Variants in XAF1 observed in about 807,000 individuals in gnomAD.
XAF1 encodes the protein XIAP associated factor 1, also known as XIAP-associated factor 1.
A neutral mutation model predicts 32.3 loss-of-function variants in XAF1; 32 were observed. The observed-to-expected ratio is 0.99, with a 90% CI of 0.75 to 1.33. The LOEUF (loss-of-function observed/expected upper bound fraction) is 1.33. Ranked by LOEUF, XAF1 falls within the 40% of genes most tolerant of loss-of-function variation. XAF1 has a pLI of 0.00. For missense variants in XAF1, 379 were observed against 366.0 expected (o/e 1.04, Z -0.29); for synonymous variants, 120 against 125.9 (o/e 0.95, Z 0.31).
chr17:6,772,088 A>G (rs1335288070), intron 6 of XAF1, among the ~76,000 whole-genome samples: 6 of 152,194 alleles, frequency 3.9e-5, no homozygotes, highest in Admixed American at 2.0e-4. Context: ...CTATGTATGC[A>G]CATAAGCATA....
intron 5 of XAF1, among the ~76,000 whole-genome samples, chr17:6,762,520 C>T (rs1414427150): frequency 6.6e-6 from 1 of 152,210 alleles, no homozygotes; most frequent in African/African-American, 2.4e-5. Flanking sequence ...ACTTCATGGC[C>T]TGGACATTGC....
intron 1 of XAF1, chr17:6,757,410 G>T (rs1292786919): frequency 2.0e-5 from 3 of 152,250 alleles, no homozygotes; most frequent in Non-Finnish European, 2.9e-5. Context: ...AAGAACCTCG[G>T]AGTCTCTGTG....
rs1487725567 is a variant in XAF1 at position 6,773,694 on chromosome 17, T to A, written c.*525T>A. 1.3e-5 allele frequency: 2 copies of A among 152,146 alleles called. No homozygotes were observed. Among genetic ancestry groups the A allele is most frequent in the African/African-American group, 4.8e-5 (2 of 41,428 alleles). The allele number at this position is 152,146 out of a possible 1,614,324, so 9.4% of individuals were successfully genotyped here. ...AAGCTCCTAGATCTGATAAACAACTTCAGCTAACTTTCAGGAGACAAAATC... is the reference window on the plus strand; with the variant it reads ...AAGCTCCTAGATCTGATAAACAACTACAGCTAACTTTCAGGAGACAAAATC... On this transcript the variant is annotated 3_prime_UTR_variant, in exon 7 of 7. Transcript: ENST00000361842.
rs7219649 is a variant in XAF1 at position 6,765,250 on chromosome 17, A to G, written c.507+3010A>G. Among the ~76,000 whole-genome samples the G allele has an allele frequency of 7.1e-3, 1,077 of 152,188 alleles. 15 individuals are homozygous for G. Among genetic ancestry groups the G allele is most frequent in the African/African-American group, 0.025 (1,037 of 41,506 alleles). Reference sequence around the variant, plus strand: ...AACACAGTGAACTCTCGTCTCTACTAAAAATACAAAAACTTAGCCGGGTGT... The same window carrying G: ...AACACAGTGAACTCTCGTCTCTACTGAAAATACAAAAACTTAGCCGGGTGT... On this transcript the variant is annotated intron_variant, in intron 5 of 6. Transcript: ENST00000361842.
At chr17:6,762,121 A>C in intron 4 of XAF1, 34 bp from the exon 5 acceptor site, 1 of 1,611,786 alleles carries the variant, frequency 6.2e-7, no homozygotes, top group African/African-American at 1.3e-5. Context: ...TGACAAGGAC[A>C]ATCATTTGTG....
chr17:6,757,556 G>A (rs941673987), intron 1 of XAF1: 7 of 110,380 alleles, frequency 6.3e-5, no homozygotes, highest in Admixed American at 3.5e-4. Flanking sequence ...CCAAACAGGG[G>A]CACCAGAAAA....
Position 6,760,404 on chromosome 17 carries a change from A to C in XAF1, c.226-2A>C. The C allele has an allele frequency of 6.2e-7, 1 of 1,602,602 alleles. No individual in the cohort carries two copies. The highest frequency in any genetic ancestry group is 8.5e-7 in the Non-Finnish European group (1 of 1,174,398). ...TCATGCCCTTCCTGCTGCCTCCCAC[A>C]GGCCAATGAGTGCCAGGAGCGCCCT... On this transcript the variant is annotated splice_acceptor_variant, in intron 3 of 6. Coordinates refer to ENST00000361842, the MANE Select transcript of XAF1 (RefSeq NM_017523.5). LOFTEE classifies it high-confidence loss of function.
At chr17:6,756,545 G>T (rs9893884) in intron 1 of XAF1, among the ~76,000 whole-genome samples, 1 of 150,574 alleles carries the variant, frequency 6.6e-6, no homozygotes, top group East Asian at 2.0e-4. Flanking sequence ...GGGCAGGGGG[G>T]ACAGAGCAGG....
Position 6,759,727 on chromosome 17 carries a change from C to T in XAF1, c.225+9C>T. ...CGCTGGAGTTTCATAAGGTAAGAGC[C>T]CCATGTGATTTCTCCTTTACAGCCA... On this transcript the variant is annotated intron_variant, in intron 3 of 6. Transcript: ENST00000361842. The T allele has an allele frequency of 1.2e-6, 2 of 1,613,922 alleles. No individual in the cohort carries two copies. The highest frequency in any genetic ancestry group is 1.7e-6 in the Non-Finnish European group (2 of 1,180,006).
chr17:6,762,932 A>G (rs1975328702), intron 5 of XAF1, among the ~76,000 whole-genome samples: 1 of 152,264 alleles, frequency 6.6e-6, no homozygotes, highest in Non-Finnish European at 1.5e-5. Context: ...TCAAAACTAA[A>G]GAAACCATAG....
At chr17:6,761,730 C>T in intron 4 of XAF1, 2 of 828,410 alleles carry the variant, frequency 2.4e-6, no homozygotes, top group East Asian at 6.4e-5. Context: ...TGCAACACAA[C>T]ACAACACAAC....
At chr17:6,771,031 C>A in intron 6 of XAF1, 47 bp downstream of exon 6, 1 of 1,576,452 alleles carries the variant, frequency 6.3e-7, no homozygotes, top group Non-Finnish European at 8.6e-7. Flanking sequence ...ACCATCCGCA[C>A]AGTGTCTTAA....
intron 4 of XAF1, 75 bp from the exon 5 acceptor site, chr17:6,762,080 T>A (rs755112696): frequency 5.4e-5 from 87 of 1,606,780 alleles, no homozygotes; most frequent in Non-Finnish European, 6.9e-5. Flanking sequence ...ACAGGCCATG[T>A]ATGCAGTTGT....
At chr17:6,770,310 T>C (rs916704167) in intron 5 of XAF1, among the ~76,000 whole-genome samples, 1 of 152,162 alleles carries the variant, frequency 6.6e-6, no homozygotes, top group African/African-American at 2.4e-5. Context: ...ATGAATCCTC[T>C]TTTATAAGGA....
At position 6,770,655 on chromosome 17, in the gene XAF1, C is replaced by T; in HGVS notation, c.520C>T (p.Pro174Ser). 3 of 1,590,840 alleles carry T rather than the reference C, an allele frequency of 1.9e-6. No individual in the cohort carries two copies. Among genetic ancestry groups the T allele is most frequent in the Non-Finnish European group, 2.6e-6 (3 of 1,172,216 alleles). Residue 174 changes from proline (P) to serine (S), a missense_variant, in exon 6 of 7, where the codon CCA (proline) becomes TCA (serine). Physicochemically the swap from Pro to Ser is moderately conservative, Grantham distance 74 (BLOSUM62 -1). Coordinates refer to ENST00000361842, the MANE Select transcript of XAF1 (RefSeq NM_017523.5). The part of the protein sequence containing the change: ...KYFHHMGKCC[P>S]DSEFKKHFPV... ...TTCACAATTGCAGGGTAAATGTTGT[C>T]CAGACTCAGAGTTTAAGAAACACTT...
chr17:6,764,374 TCA>T (rs1437887882), intron 5 of XAF1, among the ~76,000 whole-genome samples: 1 of 152,106 alleles, frequency 6.6e-6, no homozygotes, highest in Admixed American at 6.6e-5. Flanking sequence ...CTACACAAGG[TCA>T]CACAAGTTTT....
intron 2 of XAF1, 174 bp from the exon 3 acceptor site, chr17:6,759,488 A>G: frequency 6.9e-7 from 1 of 1,445,434 alleles, no homozygotes; most frequent in Non-Finnish European, 9.1e-7. Context: ...ACACTTCTTG[A>G]ACACTGGGCG....
At position 6,774,948 on chromosome 17, in the gene XAF1, T is replaced by G. The variant is rs958690388; in HGVS notation, c.*1779T>G. On this transcript the variant is annotated 3_prime_UTR_variant, in exon 7 of 7. Transcript: ENST00000361842. The stretch of plus-strand genomic sequence containing the variant: ...CCCAGCTACTTGGGAGGCCTAGGCG[T>G]GAGAATCGCTTGAACCTGGAAGGTG... 3 of 151,520 alleles carry G rather than the reference T, an allele frequency of 2.0e-5. No individual in the cohort carries two copies. The highest frequency in any genetic ancestry group is 7.3e-5 in the African/African-American group (3 of 41,176). The allele number at this position is 151,520 out of a possible 1,614,324, so 9.4% of individuals were successfully genotyped here.
At position 6,775,048 on chromosome 17, in the gene XAF1, A is replaced by C. The variant is rs942766911; in HGVS notation, c.*1879A>C. ...CAAGCGAGACTCTGCCTTAAAAAAA[A>C]AAAAAAGAAAATGTGGCACATATAC... On this transcript the variant is annotated 3_prime_UTR_variant, in exon 7 of 7. Transcript: ENST00000361842. 2 of 152,128 alleles carry C rather than the reference A, an allele frequency of 1.3e-5. No homozygotes were observed. The highest frequency in any genetic ancestry group is 6.6e-5 in the Admixed American group (1 of 15,264). 9.4% of individuals were successfully genotyped at this position (152,128 alleles called of 1,614,324 possible).
Sources: gnomAD v4.1 joint callset for allele counts (sites outside exome capture counted in the v4.1 genomes callset) on GRCh38, gnomAD v4.1.1 for gene constraint, MANE v1.5 for transcripts, NCBI Gene and HGNC (gene_info 2026-07-23, HGNC 2026-07-21) for gene names.